The following OSTN variants were observed in gnomAD, a reference collection of about 807,000 sequenced individuals.
OSTN encodes the protein osteocrin.
Under a neutral mutation model 12.0 loss-of-function variants are expected in OSTN, and 9 were observed. That is an observed-to-expected ratio of 0.75 (90% confidence interval 0.45 to 1.30). OSTN has a LOEUF of 1.30. OSTN is among the 50% of genes most tolerant of loss of function. The probability of loss-of-function intolerance (pLI) is 0.00; values close to 1 mark genes in which losing one functional copy is unlikely to be tolerated. For synonymous variants in OSTN, 59 were observed against 56.9 expected (o/e 1.04, Z -0.16); for missense variants, 148 against 152.3 (o/e 0.97, Z 0.15).
At chr3:191,238,083 T>C (rs1197312482) in intron 3 of OSTN, among the ~76,000 whole-genome samples, 3 of 152,232 alleles carry the variant, frequency 2.0e-5, no homozygotes, top group Non-Finnish European at 2.9e-5. Context: ...TCTCAAGGTT[T>C]ATGCTTTTCT....
intron 3 of OSTN, among the ~76,000 whole-genome samples, chr3:191,232,473 C>T (rs1560119697): frequency 6.8e-6 from 1 of 148,126 alleles, no homozygotes; most frequent in East Asian, 2.0e-4. Context: ...ACAACTATTA[C>T]TATTATTTTT....
At chr3:191,244,629 T>C (rs1459187124) in intron 3 of OSTN, among the ~76,000 whole-genome samples, 1 of 148,140 alleles carries the variant, frequency 6.8e-6, no homozygotes, top group Non-Finnish European at 1.5e-5. Flanking sequence ...ATATATAATA[T>C]ATATATTTCA....
At chr3:191,215,117 A>G (rs1387172770) in intron 2 of OSTN, among the ~76,000 whole-genome samples, 1 of 152,226 alleles carries the variant, frequency 6.6e-6, no homozygotes, top group Admixed American at 6.5e-5. Context: ...GAAACTTACA[A>G]TCATGGCAGA....
intron 1 of OSTN, among the ~76,000 whole-genome samples, chr3:191,202,657 T>C (rs1159047908): frequency 1.3e-5 from 2 of 152,176 alleles, no homozygotes; most frequent in Non-Finnish European, 2.9e-5. Flanking sequence ...CCACATTAAC[T>C]TCAGATTTAA....
intron 3 of OSTN, among the ~76,000 whole-genome samples, chr3:191,225,777 G>A (rs1297498103): frequency 1.3e-5 from 2 of 151,934 alleles, no homozygotes; most frequent in African/African-American, 4.8e-5. Flanking sequence ...TAAACAGTGG[G>A]TACCCATGGG....
intron 1 of OSTN, among the ~76,000 whole-genome samples, chr3:191,202,365 G>C (rs892733584): frequency 6.6e-6 from 1 of 152,184 alleles, no homozygotes; most frequent in Non-Finnish European, 1.5e-5. Flanking sequence ...CAGGACAAGC[G>C]GTTGAGGAGT....
intron 3 of OSTN, among the ~76,000 whole-genome samples, chr3:191,225,036 A>G (rs990275271): frequency 1.3e-5 from 2 of 152,106 alleles, no homozygotes; most frequent in African/African-American, 4.8e-5. Context: ...AATATAATAA[A>G]TCAATGCAAA....
chr3:191,209,275 GA>G (rs1714360646), intron 1 of OSTN, among the ~76,000 whole-genome samples: 1 of 152,176 alleles, frequency 6.6e-6, no homozygotes, highest in East Asian at 1.9e-4. Flanking sequence ...AAAATCAGGA[GA>G]AAAAGAATAC....
At chr3:191,233,421 C>A (rs1715109858) in intron 3 of OSTN, among the ~76,000 whole-genome samples, 1 of 152,048 alleles carries the variant, frequency 6.6e-6, no homozygotes, top group Admixed American at 6.5e-5. Flanking sequence ...TCTGAAGTTA[C>A]CATTTTATTT....
chr3:191,250,009 T>A, intron 3 of OSTN, 28 bp from the exon 4 acceptor site: 1 of 1,558,454 alleles, frequency 6.4e-7, no homozygotes, highest in Non-Finnish European at 8.8e-7. Context: ...CCCTTTAGTT[T>A]AAAAATGTCC....
intron 2 of OSTN, among the ~76,000 whole-genome samples, chr3:191,214,536 G>A (rs911290233): frequency 3.4e-4 from 52 of 151,032 alleles, no homozygotes; most frequent in East Asian, 1.5e-3. Flanking sequence ...AAGAACTGAC[G>A]AGACTTAGGG....
chr3:191,219,659 A>T (rs921543432), intron 3 of OSTN, among the ~76,000 whole-genome samples: 1 of 152,148 alleles, frequency 6.6e-6, no homozygotes, highest in Non-Finnish European at 1.5e-5. Context: ...CCCCTTCAAT[A>T]TCTGTTCTTC....
At chr3:191,256,959 A>G (rs934968433) in intron 4 of OSTN, among the ~76,000 whole-genome samples, 6 of 152,080 alleles carry the variant, frequency 3.9e-5, no homozygotes, top group African/African-American at 1.4e-4. Context: ...AGGCAAGAGG[A>G]CCACTTTGAG....
chr3:191,245,057 TCTTTA>T (rs1352338786), intron 3 of OSTN, among the ~76,000 whole-genome samples: 27 of 152,322 alleles, frequency 1.8e-4, no homozygotes, highest in Admixed American at 1.5e-3. Flanking sequence ...CTGGGACAAT[TCTTTA>T]CTTAACTTTT....
chr3:191,253,143 T>C (rs1453473371), intron 4 of OSTN, among the ~76,000 whole-genome samples: 2 of 152,236 alleles, frequency 1.3e-5, no homozygotes, highest in East Asian at 3.8e-4. Flanking sequence ...TGGTTATACA[T>C]TTCTAAGACG....
At chr3:191,257,407 A>G (rs1437336233) in intron 4 of OSTN, among the ~76,000 whole-genome samples, 1 of 152,150 alleles carries the variant, frequency 6.6e-6, no homozygotes, top group African/African-American at 2.4e-5. Flanking sequence ...TACATATCAG[A>G]TGCAGAGCCC....
chr3:191,243,794 T>A (rs893614164), intron 3 of OSTN, among the ~76,000 whole-genome samples: 1 of 152,170 alleles, frequency 6.6e-6, no homozygotes, highest in African/African-American at 2.4e-5. Flanking sequence ...ATTATTTACA[T>A]GTTAATATCA....
At chr3:191,209,891 A>C (rs1576922674) in intron 1 of OSTN, among the ~76,000 whole-genome samples, 1 of 152,328 alleles carries the variant, frequency 6.6e-6, no homozygotes, top group East Asian at 1.9e-4. Flanking sequence ...CACAGAACTT[A>C]ACTGCTGCAC....
At chr3:191,200,027 C>T (rs1030495124) in intron 1 of OSTN, among the ~76,000 whole-genome samples, 1 of 152,082 alleles carries the variant, frequency 6.6e-6, no homozygotes, top group Non-Finnish European at 1.5e-5. Context: ...CTTTGAATAA[C>T]AGACTCTATA....
Sources: allele counts gnomAD v4.1 joint callset (sites outside exome capture counted in the v4.1 genomes callset), GRCh38; gene constraint gnomAD v4.1.1; transcripts MANE v1.5; gene names NCBI Gene and HGNC (gene_info 2026-07-23, HGNC 2026-07-21).